SH3BP2: variants seen among roughly 807,000 people sequenced by gnomAD.
SH3BP2 encodes SH3 domain binding protein 2.
In SH3BP2, 38 loss-of-function variants were observed where a neutral mutation model predicts 56.2. The ratio of observed to expected loss-of-function variants is 0.68; its 90% CI spans 0.52 to 0.89. The LOEUF (loss-of-function observed/expected upper bound fraction) is 0.89, where lower values mean the gene tolerates loss of function less well. Among genes scored for constraint, SH3BP2 ranks in the 40% least tolerant of loss-of-function variants. The probability of loss-of-function intolerance (pLI) is 0.00; values close to 1 mark genes in which losing one functional copy is unlikely to be tolerated. For synonymous variants in SH3BP2, 346 were observed against 316.7 expected (o/e 1.09, Z -0.98); for missense variants, 748 against 762.6 (o/e 0.98, Z 0.23).
chr4:2,804,358 A>G (rs1723444215), intron 1 of SH3BP2, among the ~76,000 whole-genome samples: 2 of 152,208 alleles, frequency 1.3e-5, no homozygotes, highest in Admixed American at 1.3e-4. Context: ...AGTTTTCTCT[A>G]GGGTGAGCAC....
Position 2,825,201 on chromosome 4 carries a change from G to C in SH3BP2, c.428+5G>C. 1 of 1,574,350 alleles carries C rather than the reference G, an allele frequency of 6.4e-7. No homozygotes were observed. Among genetic ancestry groups the C allele is most frequent in the Non-Finnish European group, 8.6e-7 (1 of 1,159,574 alleles). On this transcript the variant is annotated splice_donor_5th_base_variant and intron_variant, in intron 5 of 12. Transcript: ENST00000503393. ...AGACCTGCCCTTGGACACCAGGTGA[G>C]CCCGGGCCCAGGGCATACCGGGCAG...
At chr4:2,832,951 T>C in intron 11 of SH3BP2, 39 bp from the exon 12 acceptor site, 2 of 1,607,818 alleles carry the variant, frequency 1.2e-6, no homozygotes, top group Non-Finnish European at 8.5e-7. Context: ...GTCCCGCTGT[T>C]TCTCAGGGAG....
intron 1 of SH3BP2, among the ~76,000 whole-genome samples, chr4:2,800,516 C>T (rs1047110098): frequency 1.5e-4 from 23 of 151,526 alleles, no homozygotes; most frequent in Admixed American, 7.2e-4. Flanking sequence ...TACTGCCACC[C>T]GAGCAGTACG....
intron 1 of SH3BP2, among the ~76,000 whole-genome samples, chr4:2,793,573 T>C (rs1347164622): frequency 6.6e-6 from 1 of 151,136 alleles, no homozygotes; most frequent in African/African-American, 2.4e-5. Context: ...ACGCGTCTGT[T>C]TCGCACCCCT....
Position 2,833,882 on chromosome 4 carries a change from C to A in SH3BP2, c.*48C>A. The A allele has an allele frequency of 1.3e-6, 2 of 1,524,310 alleles. No individual in the cohort carries two copies. The highest frequency in any genetic ancestry group is 2.0e-5 in the Admixed American group (1 of 50,478). The allele number at this position is 1,524,310 out of a possible 1,614,324, so 94.4% of individuals were successfully genotyped here. A position where few individuals can be genotyped will look rare whatever the true frequency, so the allele number is the denominator to read the frequency against. On this transcript the variant is annotated 3_prime_UTR_variant, in exon 13 of 13. Transcript: ENST00000503393. ...GCCAAGGCAGTCACAGGGGCCCTGA[C>A]CCCAGGCCACACAGACGGACATGGG...
Position 2,833,894 on chromosome 4 carries a change from C to T in SH3BP2, c.*60C>T. The stretch of plus-strand genomic sequence containing the variant: ...ACAGGGGCCCTGACCCCAGGCCACA[C>T]AGACGGACATGGGCCCACATGGGAG... On this transcript the variant is annotated 3_prime_UTR_variant, in exon 13 of 13. Transcript: ENST00000503393. 1 of 1,511,070 alleles carries T rather than the reference C, an allele frequency of 6.6e-7. No individual in the cohort carries two copies. The allele number at this position is 1,511,070 out of a possible 1,614,324, so 93.6% of individuals were successfully genotyped here. A position where few individuals can be genotyped will look rare whatever the true frequency, so the allele number is the denominator to read the frequency against.
chr4:2,828,233 C>T (rs1160296303), intron 7 of SH3BP2, among the ~76,000 whole-genome samples: 1 of 151,962 alleles, frequency 6.6e-6, no homozygotes, highest in Non-Finnish European at 1.5e-5. Flanking sequence ...CTCTCCAGCC[C>T]CCTCATCTTG....
intron 1 of SH3BP2, among the ~76,000 whole-genome samples, chr4:2,798,270 C>T (rs747203234): frequency 7.2e-5 from 11 of 152,224 alleles, no homozygotes; most frequent in Non-Finnish European, 1.3e-4. Flanking sequence ...TCTTCCTAAA[C>T]GTGTGTTGGC....
intron 7 of SH3BP2, 67 bp downstream of exon 7, chr4:2,827,741 G>A (rs1724753756): frequency 7.3e-7 from 1 of 1,362,474 alleles, no homozygotes; most frequent in East Asian, 2.5e-5. Flanking sequence ...ACCGGGAGCA[G>A]AGCCCCTCCG....
chr4:2,795,055 G>T (rs371421220), intron 1 of SH3BP2, among the ~76,000 whole-genome samples: 5 of 152,194 alleles, frequency 3.3e-5, no homozygotes, highest in African/African-American at 1.2e-4. Flanking sequence ...TGACCTGAGG[G>T]CTGTGAAGCA....
At chr4:2,826,851 C>G in intron 5 of SH3BP2, 1 of 457,818 alleles carries the variant, frequency 2.2e-6, no homozygotes, top group South Asian at 1.7e-5. Flanking sequence ...GTCTGTGTGA[C>G]AGAGTCCTTG....
chr4:2,840,958 T>C lies in SH3BP2; in HGVS notation c.*7124T>C, dbSNP rs999063209. The C allele has an allele frequency of 6.6e-6, 1 of 151,574 alleles. No individual in the cohort carries two copies. The highest frequency in any genetic ancestry group is 2.4e-5 in the African/African-American group (1 of 41,140). The allele number at this position is 151,574 out of a possible 1,614,324, so 9.4% of individuals were successfully genotyped here. Reference sequence around the variant, plus strand: ...ATTTGTAAATATTTTATGTTTCTTTTAGTCTATTGTAAATTGTGTATTTTT... The same window carrying C: ...ATTTGTAAATATTTTATGTTTCTTTCAGTCTATTGTAAATTGTGTATTTTT... On this transcript the variant is annotated 3_prime_UTR_variant, in exon 13 of 13. Coordinates refer to ENST00000503393, the MANE Select transcript of SH3BP2 (RefSeq NM_001122681.2).
chr4:2,834,012 G>A lies in SH3BP2; in HGVS notation c.*178G>A. ...TCTCATCCAGCAGGTTGGGTTCTAG[G>A]GCTGAACCAGGCGCCAGGCTCCAGA... On this transcript the variant is annotated 3_prime_UTR_variant, in exon 13 of 13. Coordinates refer to ENST00000503393, the MANE Select transcript of SH3BP2 (RefSeq NM_001122681.2). 1 of 705,822 alleles carries A rather than the reference G, an allele frequency of 1.4e-6. No individual in the cohort carries two copies. The highest frequency in any genetic ancestry group is 2.3e-6 in the Non-Finnish European group (1 of 434,276). The allele number at this position is 705,822 out of a possible 1,614,324, so 43.7% of individuals were successfully genotyped here.
In SH3BP2 at chr4:2,833,926, C is replaced by G; in HGVS notation, c.*92C>G. ...ACATGGGCCCACATGGGAGGGTGAG[C>G]AGGAGCAAGGCTGTGCTTGCCTAGG... On this transcript the variant is annotated 3_prime_UTR_variant, in exon 13 of 13. Transcript: ENST00000503393. 7.0e-7 allele frequency: 1 copy of G among 1,421,198 alleles called. No homozygotes were observed. 88.0% of individuals were successfully genotyped at this position (1,421,198 alleles called of 1,614,324 possible). A position where few individuals can be genotyped will look rare whatever the true frequency, so the allele number is the denominator to read the frequency against.
chr4:2,810,158 G>A lies in SH3BP2; in HGVS notation c.-4-10456G>A, dbSNP rs1208129735. The stretch of plus-strand genomic sequence containing the variant: ...TGAGAGAGCAATTGGAGAAGCTAAG[G>A]CCCAGAGAGGAGGGGTCTGCAGAGG... On this transcript the variant is annotated intron_variant, in intron 1 of 12. Coordinates refer to ENST00000503393, the MANE Select transcript of SH3BP2 (RefSeq NM_001122681.2). This position sits in a 1 kb window ranked among gnomAD's most constrained non-coding sequence, Gnocchi z 4.2. Among the ~76,000 whole-genome samples, 1 of 152,098 alleles carries A rather than the reference G, an allele frequency of 6.6e-6. No individual in the cohort carries two copies. The highest frequency in any genetic ancestry group is 1.5e-5 in the Non-Finnish European group (1 of 68,008).
intron 7 of SH3BP2, among the ~76,000 whole-genome samples, chr4:2,828,934 C>A (rs1422263475): frequency 6.6e-6 from 1 of 152,192 alleles, no homozygotes; most frequent in African/African-American, 2.4e-5. Flanking sequence ...GGGACTCAGA[C>A]CTCACTCCTC....
chr4:2,801,715 A>G (rs1031945374), intron 1 of SH3BP2, among the ~76,000 whole-genome samples: 4 of 152,220 alleles, frequency 2.6e-5, no homozygotes, highest in African/African-American at 7.2e-5. Flanking sequence ...TTACTAAGGA[A>G]TAAAAAATGA....
intron 4 of SH3BP2, 121 bp from the exon 5 acceptor site, chr4:2,825,005 G>T (rs1724519711): frequency 1.1e-6 from 1 of 911,962 alleles, no homozygotes. Context: ...GTTGTATCCA[G>T]CCGGGTCGCC....
At chr4:2,801,963 C>G (rs137937687) in intron 1 of SH3BP2, among the ~76,000 whole-genome samples, 363 of 151,806 alleles carry the variant, frequency 2.4e-3, no homozygotes, top group Middle Eastern at 0.01. Flanking sequence ...CAAAAATAAG[C>G]CAGGCATGTT....
Sources: gnomAD v4.1 joint callset for allele counts (sites outside exome capture counted in the v4.1 genomes callset) on GRCh38, gnomAD v4.1.1 for gene constraint, Gnocchi (gnomAD v3.1) non-coding constraint, MANE v1.5 for transcripts, NCBI Gene and HGNC (gene_info 2026-07-23, HGNC 2026-07-21) for gene names.